Variants in LRRC34 observed in about 807,000 individuals in gnomAD.
The protein encoded by LRRC34 is leucine rich repeat containing 34, also known as leucine-rich repeat-containing protein 34.
Under a neutral mutation model 48.5 loss-of-function variants are expected in LRRC34, and 44 were observed. The ratio of observed to expected loss-of-function variants is 0.91; its 90% CI spans 0.71 to 1.17. LRRC34 has a LOEUF of 1.17. LRRC34 is among the 50% of genes most tolerant of loss of function. The pLI is 0.00. For missense variants in LRRC34, 502 were observed against 563.0 expected, an observed-to-expected ratio of 0.89 and a Z score of 1.10; for synonymous variants, 192 against 197.6, an observed-to-expected ratio of 0.97 and a Z score of 0.24.
At chr3:169,801,336 C>A (rs1354019780) in intron 6 of LRRC34, among the ~76,000 whole-genome samples, 2 of 152,140 alleles carry the variant, frequency 1.3e-5, no homozygotes, top group Non-Finnish European at 2.9e-5. Context: ...CTAAGACTTA[C>A]AGATTCTGCT....
chr3:169,808,525 A>G (rs1275340110), intron 2 of LRRC34, 103 bp downstream of exon 2: 1 of 669,260 alleles, frequency 1.5e-6, no homozygotes, highest in East Asian at 2.7e-5. Flanking sequence ...TCATTTTACC[A>G]AGCATTTTCA....
intron 6 of LRRC34, among the ~76,000 whole-genome samples, chr3:169,802,093 C>T (rs185398908): frequency 5.3e-4 from 80 of 152,334 alleles, no homozygotes; most frequent in African/African-American, 1.9e-3. Flanking sequence ...TGAGCCACCA[C>T]GCCCAAACTT....
At chr3:169,807,303 G>A (rs774910081) in intron 4 of LRRC34, 123 bp downstream of exon 4, 33 of 903,052 alleles carry the variant, frequency 3.7e-5, no homozygotes, top group Non-Finnish European at 5.4e-5. Flanking sequence ...AGTATATTTC[G>A]AGTGTTCTAG....
In LRRC34 at chr3:169,801,664, T is replaced by C. The variant is rs540284786; in HGVS notation, c.658-910A>G. Among the ~76,000 whole-genome samples the C allele has an allele frequency of 3.9e-5, 6 of 152,358 alleles. 1 individual carries two copies. The highest frequency in any genetic ancestry group is 1.4e-4 in the African/African-American group (6 of 41,592). ...TGGCCTCCATAAGCTTCTCTACTTT[T>C]ACTTCAAGGCACTCTTAACTTTGTC... On this transcript the variant is annotated intron_variant, in intron 6 of 10. Coordinates refer to ENST00000446859, the MANE Select transcript of LRRC34 (RefSeq NM_001172779.2).
intron 8 of LRRC34, 83 bp downstream of exon 8, chr3:169,796,662 A>G (rs1422349166): frequency 3.7e-6 from 5 of 1,357,640 alleles, no homozygotes; most frequent in Admixed American, 2.7e-5. Context: ...ATGTCTAACA[A>G]CGTATCCCAA....
intron 9 of LRRC34, chr3:169,795,971 A>G (rs1778971745): frequency 8.3e-7 from 1 of 1,207,098 alleles, no homozygotes; most frequent in Non-Finnish European, 1.0e-6. Flanking sequence ...AATTCAGGAT[A>G]AGTAATATAA....
intron 6 of LRRC34, among the ~76,000 whole-genome samples, chr3:169,803,675 A>T (rs13434148): frequency 0.035 from 5,268 of 152,158 alleles, 269 homozygotes; most frequent in African/African-American, 0.12. Context: ...CGGGTGATCC[A>T]CCTGCCTCAG....
chr3:169,808,867 A>G (rs1037069637), intron 1 of LRRC34, 122 bp from the exon 2 acceptor site: 2 of 596,658 alleles, frequency 3.4e-6, no homozygotes, highest in Non-Finnish European at 6.0e-6. Context: ...TAGGGAAGAA[A>G]AGGAAACAGA....
At chr3:169,810,616 G>A (rs1350657878) in intron 1 of LRRC34, among the ~76,000 whole-genome samples, 1 of 152,180 alleles carries the variant, frequency 6.6e-6, no homozygotes, top group Admixed American at 6.5e-5. Flanking sequence ...TCTACAGGAT[G>A]ATCAAAGGTG....
At chr3:169,810,798 C>T (rs929014099) in intron 1 of LRRC34, among the ~76,000 whole-genome samples, 64 of 152,344 alleles carry the variant, frequency 4.2e-4, no homozygotes, top group African/African-American at 1.5e-3. Flanking sequence ...GGTGCGGTGG[C>T]TTACGCCTGT....
chr3:169,807,306 T>A (rs1779412135), intron 4 of LRRC34, 120 bp downstream of exon 4: 1 of 919,876 alleles, frequency 1.1e-6, no homozygotes, highest in African/African-American at 1.7e-5. Context: ...ATATTTCGAG[T>A]GTTCTAGCAC....
intron 7 of LRRC34, 129 bp downstream of exon 7, chr3:169,800,527 ATAG>A (rs1327762000): frequency 1.1e-5 from 5 of 471,194 alleles, no homozygotes; most frequent in African/African-American, 7.9e-5. Flanking sequence ...ATTTTTATAA[ATAG>A]TAGTTTACAA....
rs1417735421 is a variant in LRRC34, at chr3:169,812,487, G to A, written c.62C>T (p.Ala21Val). The stretch of plus-strand genomic sequence containing the variant: ...AGCCGGGGACCTGGCCGGCGCACGG[G>A]CGGCCTCCCGGGAGCTCCCCATGCT... ...ERSMGSSREA[A>V]RAPARSPAWA... Residue 21 changes from alanine (A) to valine (V), a missense_variant, in exon 1 of 11, where the codon GCC (alanine) becomes GTC (valine). Ala to Val is a moderately conservative substitution (Grantham distance 64, BLOSUM62 0). Transcript: ENST00000446859. This position sits in a 1 kb window ranked among gnomAD's most constrained non-coding sequence, Gnocchi z 4.3. 6.5e-7 allele frequency: 1 copy of A among 1,528,134 alleles called. No individual in the cohort carries two copies. The highest frequency in any genetic ancestry group is 1.4e-5 in the African/African-American group (1 of 71,242). 94.7% of individuals were successfully genotyped at this position (1,528,134 alleles called of 1,614,324 possible). A position where few individuals can be genotyped will look rare whatever the true frequency, so the allele number is the denominator to read the frequency against.
intron 4 of LRRC34, 114 bp from the exon 5 acceptor site, chr3:169,807,045 C>T (rs1779400478): frequency 1.9e-6 from 1 of 528,512 alleles, no homozygotes; most frequent in Non-Finnish European, 3.3e-6. Context: ...AAGTGTTTTC[C>T]TCCAAAGAAA....
Position 169,803,195 on chromosome 3 carries a change from G to A in LRRC34, c.657+858C>T, listed in dbSNP as rs112857168. Among the ~76,000 whole-genome samples, 507 of 152,184 alleles carry A rather than the reference G, an allele frequency of 3.3e-3. 2 individuals are homozygous for A. The highest frequency in any genetic ancestry group is 5.1e-3 in the Non-Finnish European group (349 of 67,988). On this transcript the variant is annotated intron_variant, in intron 6 of 10. Coordinates refer to ENST00000446859, the MANE Select transcript of LRRC34 (RefSeq NM_001172779.2). ...ATCAGGCCAGGTGAAGGTTCAAAGC[G>A]ACTTTTATCTTTTTTAATAATTTTT...
At chr3:169,797,207 A>C (rs184755825) in intron 7 of LRRC34, among the ~76,000 whole-genome samples, 12 of 152,218 alleles carry the variant, frequency 7.9e-5, no homozygotes, top group African/African-American at 2.9e-4. Context: ...GAAAGGAAAA[A>C]AAAATTGGTC....
In LRRC34 at chr3:169,812,263, G is replaced by A; in HGVS notation, c.139+147C>T. 3 of 1,119,886 alleles carry A rather than the reference G, an allele frequency of 2.7e-6. No individual in the cohort carries two copies. Among genetic ancestry groups the A allele is most frequent in the East Asian group, 6.2e-5 (2 of 32,392 alleles). The allele number at this position is 1,119,886 out of a possible 1,614,324, so 69.4% of individuals were successfully genotyped here. On this transcript the variant is annotated intron_variant, in intron 1 of 10. Transcript: ENST00000446859. The surrounding 1 kb of genome is among the most constrained non-coding windows in gnomAD (Gnocchi z 4.3). ...TCGTTTCTGGGCGCCCCAAACCTCT[G>A]GCCACAGCTGGGGTTCCCAGGGGCC...
chr3:169,805,937 A>G (rs967482696), intron 5 of LRRC34, among the ~76,000 whole-genome samples: 1 of 152,056 alleles, frequency 6.6e-6, no homozygotes, highest in Non-Finnish European at 1.5e-5. Flanking sequence ...AAATTGATTA[A>G]CTGACCTAAA....
intron 5 of LRRC34, among the ~76,000 whole-genome samples, chr3:169,806,396 G>A (rs562460821): frequency 3.9e-5 from 6 of 152,232 alleles, no homozygotes; most frequent in Admixed American, 3.9e-4. Context: ...GCCACATATT[G>A]TATGATTCTG....
Sources: gnomAD v4.1 joint callset for allele counts (sites outside exome capture counted in the v4.1 genomes callset) on GRCh38, gnomAD v4.1.1 for gene constraint, Gnocchi (gnomAD v3.1) non-coding constraint, MANE v1.5 for transcripts, NCBI Gene and HGNC (gene_info 2026-07-23, HGNC 2026-07-21) for gene names.